ORC4: variants seen among roughly 807,000 people sequenced by gnomAD.
ORC4 encodes the protein origin recognition complex subunit 4.
In ORC4, 55 loss-of-function variants were observed where a neutral mutation model predicts 63.9. The ratio of observed to expected loss-of-function variants is 0.86; its 90% confidence interval spans 0.69 to 1.08. ORC4 has a LOEUF of 1.08. Among genes scored for constraint, ORC4 ranks in the 50% least tolerant of loss-of-function variants. The probability of loss-of-function intolerance (pLI) is 0.00; values close to 1 mark genes in which losing one functional copy is unlikely to be tolerated. For synonymous variants in ORC4, 150 were observed against 168.5 expected, an observed-to-expected ratio of 0.89 and a Z score of 0.85; for missense variants, 511 against 504.4, an observed-to-expected ratio of 1.01 and a Z score of -0.13.
chr2:148,018,063 C>T (rs1247963258), intron 1 of ORC4, among the ~76,000 whole-genome samples: 1 of 151,988 alleles, frequency 6.6e-6, no homozygotes, highest in Non-Finnish European at 1.5e-5. Context: ...GCTAGAAATC[C>T]CTGAGTAAAA....
rs145334894 is a variant in ORC4 at position 147,970,203 on chromosome 2, A to G, written c.225+2536T>C. Among the ~76,000 whole-genome samples, 4 of 152,328 alleles carry G rather than the reference A, an allele frequency of 2.6e-5. No individual in the cohort carries two copies. In the East Asian group the frequency reaches 7.7e-4, roughly 29 times the overall value. On this transcript the variant is annotated intron_variant, in intron 4 of 13. Coordinates refer to ENST00000392857, the MANE Select transcript of ORC4 (RefSeq NM_181741.4). ...AACTACAAAAACTGACAAAAGTCTT[A>G]AATAAATAGATACTCCAAGAACGGG...
intron 4 of ORC4, among the ~76,000 whole-genome samples, chr2:147,970,423 T>C (rs116921769): frequency 3.4e-3 from 520 of 152,196 alleles, no homozygotes; most frequent in East Asian, 8.3e-3. Flanking sequence ...CTGACAGTAC[T>C]TACCTTAAAG....
intron 1 of ORC4, among the ~76,000 whole-genome samples, chr2:147,982,342 T>G (rs1690937665): frequency 6.6e-6 from 1 of 152,232 alleles, no homozygotes; most frequent in Admixed American, 6.5e-5. Flanking sequence ...CACAAAGAAC[T>G]ATGTAATAAT....
chr2:147,952,300 C>G, intron 8 of ORC4, 73 bp downstream of exon 8: 1 of 1,121,466 alleles, frequency 8.9e-7, no homozygotes, highest in East Asian at 2.6e-5. Context: ...GTGAAAAAAA[C>G]TAGCAGTGTC....
At chr2:147,987,937 C>T (rs1691321972) in intron 1 of ORC4, among the ~76,000 whole-genome samples, 1 of 151,602 alleles carries the variant, frequency 6.6e-6, no homozygotes, top group Non-Finnish European at 1.5e-5. Flanking sequence ...CCTATAGTCC[C>T]AGCTACTTGG....
At chr2:147,954,721 A>C (rs555579328) in intron 7 of ORC4, among the ~76,000 whole-genome samples, 1 of 152,314 alleles carries the variant, frequency 6.6e-6, no homozygotes, top group East Asian at 1.9e-4. Flanking sequence ...ATGCAAATTA[A>C]AGAACAAAAT....
chr2:147,958,515 G>C (rs1439452539), intron 5 of ORC4, 132 bp from the exon 6 acceptor site: 1 of 670,770 alleles, frequency 1.5e-6, no homozygotes, highest in Non-Finnish European at 2.6e-6. Flanking sequence ...TTAAAACTTA[G>C]CAATAAAGAC....
chr2:148,018,562 G>C (rs995435544), intron 1 of ORC4, among the ~76,000 whole-genome samples: 2 of 144,886 alleles, frequency 1.4e-5, no homozygotes, highest in Non-Finnish European at 3.0e-5. Flanking sequence ...TTTCCATTAA[G>C]ACTTTTTATA....
chr2:147,951,811 A>G (rs1303807678), intron 8 of ORC4, among the ~76,000 whole-genome samples: 1 of 152,214 alleles, frequency 6.6e-6, no homozygotes, highest in Non-Finnish European at 1.5e-5. Context: ...CTGCTGTCCA[A>G]AGGTACACAT....
At chr2:148,014,692 T>C (rs562097217) in intron 1 of ORC4, among the ~76,000 whole-genome samples, 153 of 152,200 alleles carry the variant, frequency 1.0e-3, no homozygotes, top group South Asian at 8.1e-3. Context: ...AACACGACTA[T>C]AAAAAATAAT....
At chr2:147,990,888 G>C (rs1482516015) in intron 1 of ORC4, among the ~76,000 whole-genome samples, 21 of 151,892 alleles carry the variant, frequency 1.4e-4, no homozygotes, top group Non-Finnish European at 4.4e-5. Flanking sequence ...AATTGAAAAG[G>C]CTTGCAATTC....
chr2:147,931,640 G>C lies in ORC4; in HGVS notation c.*3870C>G, dbSNP rs1186135427. On this transcript the variant is annotated 3_prime_UTR_variant, in exon 14 of 14. Transcript: ENST00000392857. ...AGTGGGCTTCATCCCTGGGATGCAA[G>C]GCTGGTTCAATATACGCAAATCAAT... is the stretch of plus-strand genomic sequence containing the variant. 2.0e-5 allele frequency: 3 copies of C among 152,128 alleles called. No homozygotes were observed. The highest frequency in any genetic ancestry group is 4.4e-5 in the Non-Finnish European group (3 of 68,054). 9.4% of individuals were successfully genotyped at this position (152,128 alleles called of 1,614,324 possible). A position where few individuals can be genotyped will look rare whatever the true frequency, so the allele number is the denominator to read the frequency against.
intron 1 of ORC4, among the ~76,000 whole-genome samples, chr2:147,993,267 C>T (rs1691733851): frequency 6.6e-6 from 1 of 152,216 alleles, no homozygotes; most frequent in Non-Finnish European, 1.5e-5. Flanking sequence ...TTCAAAGAAC[C>T]TTCAGAGGCT....
intron 1 of ORC4, among the ~76,000 whole-genome samples, chr2:147,987,955 A>T (rs775786279): frequency 2.6e-5 from 4 of 151,564 alleles, no homozygotes; most frequent in African/African-American, 4.9e-5. Flanking sequence ...TGGGAGGCTT[A>T]GGCAGGAGAA....
At chr2:147,962,099 T>C (rs1185862958) in intron 4 of ORC4, among the ~76,000 whole-genome samples, 1 of 152,014 alleles carries the variant, frequency 6.6e-6, no homozygotes, top group Non-Finnish European at 1.5e-5. Context: ...AGGAGGGTAG[T>C]GTGTAGGCAC....
chr2:148,000,622 A>G (rs941955043), intron 1 of ORC4, among the ~76,000 whole-genome samples: 2 of 152,180 alleles, frequency 1.3e-5, no homozygotes, highest in Non-Finnish European at 2.9e-5. Context: ...AGGAACTAGC[A>G]TAGGATAGAG....
At chr2:147,948,608 A>T (rs903400719) in intron 8 of ORC4, among the ~76,000 whole-genome samples, 1 of 152,038 alleles carries the variant, frequency 6.6e-6, no homozygotes, top group Non-Finnish European at 1.5e-5. Flanking sequence ...AGGCAGCAGG[A>T]ACCAACTTTA....
At chr2:148,010,262 AC>A (rs1692875811) in intron 1 of ORC4, among the ~76,000 whole-genome samples, 2 of 152,070 alleles carry the variant, frequency 1.3e-5, no homozygotes, top group Non-Finnish European at 2.9e-5. Flanking sequence ...GAAATAAACA[AC>A]CTAGTAATGC....
At chr2:147,995,909 A>T (rs1691935713) in intron 1 of ORC4, among the ~76,000 whole-genome samples, 1 of 152,068 alleles carries the variant, frequency 6.6e-6, no homozygotes, top group African/African-American at 2.4e-5. Flanking sequence ...CTGAAGCAGG[A>T]GAATCGCTTG....
Sources: allele counts gnomAD v4.1 joint callset (sites outside exome capture counted in the v4.1 genomes callset), GRCh38; gene constraint gnomAD v4.1.1; transcripts MANE v1.5; gene names NCBI Gene and HGNC (gene_info 2026-07-23, HGNC 2026-07-21).